HEATR4: variants seen among roughly 807,000 people sequenced by gnomAD.
HEATR4 encodes the protein HEAT repeat containing 4, also known as HEAT repeat-containing protein 4.
Under a neutral mutation model 108.8 loss-of-function variants are expected in HEATR4, and 95 were observed. The ratio of observed to expected loss-of-function variants is 0.87; its 90% confidence interval spans 0.74 to 1.04. HEATR4 has a LOEUF of 1.04. Among genes scored for constraint, HEATR4 ranks in the 50% least tolerant of loss-of-function variants. The pLI, the probability that HEATR4 is intolerant of heterozygous loss-of-function variation, is 0.00. For missense variants in HEATR4, 1,152 were observed against 1,253.8 expected (o/e 0.92, Z 1.23); for synonymous variants, 443 against 459.4 (o/e 0.96, Z 0.46).
At chr14:73,604,081 A>G in the HEATR4 span, among the ~76,000 whole-genome samples, 1 of 152,078 alleles carries the variant, frequency 6.6e-6, no homozygotes, top group Admixed American at 6.6e-5. Flanking sequence ...TTATGCAAAC[A>G]TCACACACAT....
chr14:73,605,782 G>T, the HEATR4 span, among the ~76,000 whole-genome samples: 1 of 151,790 alleles, frequency 6.6e-6, no homozygotes, highest in Non-Finnish European at 1.5e-5. Flanking sequence ...CATTGGCCAG[G>T]CTGGTCTTGA....
chr14:73,505,634 C>T (rs1177443407), intron 10 of HEATR4, among the ~76,000 whole-genome samples: 1 of 151,974 alleles, frequency 6.6e-6, no homozygotes. Context: ...GAGCTCTGAT[C>T]CACCTGCCTT....
chr14:73,518,646 G>C (rs555884047), intron 5 of HEATR4, among the ~76,000 whole-genome samples: 3 of 152,104 alleles, frequency 2.0e-5, no homozygotes, highest in Non-Finnish European at 4.4e-5. Context: ...GGAGTGGGAG[G>C]GTAGAGCCAG....
At position 73,490,986 on chromosome 14, in the gene HEATR4, G is replaced by C. The variant is rs372156920; in HGVS notation, c.2844+2080C>G. 263 of 1,331,370 alleles carry C rather than the reference G, an allele frequency of 2.0e-4. 2 individuals carry two copies. In the African/African-American group the frequency reaches 3.6e-3, roughly 18 times the overall value. The allele number at this position is 1,331,370 out of a possible 1,614,324, so 82.5% of individuals were successfully genotyped here. ...AACCGCTTTAGCTTCGCCCCCGGCC[G>C]GCCGGGCGGGGAAGACTGGTGTGGT... On this transcript the variant is annotated intron_variant, in intron 17 of 17. Coordinates refer to ENST00000553558, the MANE Select transcript of HEATR4 (RefSeq NM_001220484.1).
chr14:73,628,956 G>A, the HEATR4 span, among the ~76,000 whole-genome samples: 1 of 151,846 alleles, frequency 6.6e-6, no homozygotes, highest in African/African-American at 2.4e-5. Context: ...TTGGGAGGCT[G>A]AGGCAGGAGA....
At chr14:73,491,731 C>T (rs1366743864) in intron 17 of HEATR4, 10 of 1,553,058 alleles carry the variant, frequency 6.4e-6, no homozygotes, top group Non-Finnish European at 8.7e-6. Flanking sequence ...ACACCTACTA[C>T]CAGGGACTTT....
chr14:73,502,825 T>C, intron 11 of HEATR4, 70 bp downstream of exon 11: 1 of 1,214,682 alleles, frequency 8.2e-7, no homozygotes. Context: ...GGGAGCCACC[T>C]TGCCCAGCCT....
the HEATR4 span, chr14:73,595,809 G>A: frequency 1.1e-6 from 1 of 921,718 alleles, no homozygotes; most frequent in Non-Finnish European, 1.5e-6. Flanking sequence ...TTTGTCGTTA[G>A]TTTTACTAAT....
Position 73,541,579 on chromosome 14 carries a change from G to A in HEATR4, c.-151-11335C>T, listed in dbSNP as rs1566850545. 4 of 1,244,154 alleles carry A rather than the reference G, an allele frequency of 3.2e-6. 1 individual carries two copies. Among genetic ancestry groups the A allele is most frequent in the Non-Finnish European group, 4.3e-6 (4 of 936,274 alleles). The allele number at this position is 1,244,154 out of a possible 1,614,324, so 77.1% of individuals were successfully genotyped here. A position where few individuals can be genotyped will look rare whatever the true frequency, so the allele number is the denominator to read the frequency against. ...TCGGGCTAGTCTGCTGGCTGGGAAG[G>A]GTTTTGCTGTGATGGCTCTGGCTTA... On this transcript the variant is annotated intron_variant, in intron 1 of 17. Transcript: ENST00000553558.
chr14:73,612,711 G>C, the HEATR4 span: 2 of 1,383,878 alleles, frequency 1.4e-6, no homozygotes, highest in Non-Finnish European at 1.9e-6. Flanking sequence ...GCGCTCTTCC[G>C]GGCCCACGCG....
At chr14:73,513,973 C>T in intron 6 of HEATR4, 58 bp downstream of exon 6, 1 of 1,537,966 alleles carries the variant, frequency 6.5e-7, no homozygotes, top group Non-Finnish European at 9.0e-7. Context: ...AAAGCCTAGT[C>T]CCAGATGAGA....
At chr14:73,632,523 CT>C in the HEATR4 span, among the ~76,000 whole-genome samples, 1 of 151,894 alleles carries the variant, frequency 6.6e-6, no homozygotes. Flanking sequence ...GGTTCAAGGC[CT>C]TTTCTCTCTC....
the HEATR4 span, among the ~76,000 whole-genome samples, chr14:73,623,697 C>T: frequency 6.6e-6 from 1 of 151,996 alleles, no homozygotes; most frequent in Non-Finnish European, 1.5e-5. Flanking sequence ...GAGAAATTTG[C>T]ATCCCAATGT....
Position 73,522,442 on chromosome 14 carries a change from C to A in HEATR4, c.711G>T (p.Leu237=). Residue 237 remains leucine, a synonymous_variant, in exon 3 of 18, where the codon CTG becomes CTT. Transcript: ENST00000553558. ...TGTGACTCCAGTCGTACTGCTGGCGCAGGAAGCTCTGCCACTTGTTGGGGG... is the reference window on the plus strand; with the variant it reads ...TGTGACTCCAGTCGTACTGCTGGCGAAGGAAGCTCTGCCACTTGTTGGGGG... ...GASPNKWQSF[L]RQQYDWSHIR... 3 of 1,614,272 alleles carry A rather than the reference C, an allele frequency of 1.9e-6. No homozygotes were observed. Among genetic ancestry groups the A allele is most frequent in the Non-Finnish European group, 2.5e-6 (3 of 1,180,048 alleles).
At chr14:73,615,409 A>AAAAAAT in the HEATR4 span, among the ~76,000 whole-genome samples, 1 of 107,712 alleles carries the variant, frequency 9.3e-6, no homozygotes, top group African/African-American at 4.5e-5. Context: ...AAAAAAAAAC[A>AAAAAAT]AAAAACAAAA....
intron 17 of HEATR4, among the ~76,000 whole-genome samples, chr14:73,485,001 T>C (rs533268367): frequency 6.6e-6 from 1 of 152,082 alleles, no homozygotes; most frequent in East Asian, 1.9e-4. Flanking sequence ...TTGTCACTAC[T>C]AAAAATAGAA....
At chr14:73,528,385 T>A (rs1888480456) in intron 2 of HEATR4, among the ~76,000 whole-genome samples, 1 of 81,594 alleles carries the variant, frequency 1.2e-5, no homozygotes, top group South Asian at 4.4e-4. Flanking sequence ...AGAGCGAAAC[T>A]TCATCTCAAA....
intron 17 of HEATR4, among the ~76,000 whole-genome samples, chr14:73,490,602 G>A (rs960267467): frequency 6.6e-6 from 1 of 152,064 alleles, no homozygotes; most frequent in Non-Finnish European, 1.5e-5. Context: ...ATTACAGGCG[G>A]AGCCACCGCG....
At chr14:73,613,672 C>T in the HEATR4 span, among the ~76,000 whole-genome samples, 1 of 152,094 alleles carries the variant, frequency 6.6e-6, no homozygotes, top group Non-Finnish European at 1.5e-5. Context: ...GGGAGAGGTG[C>T]TATTGGCATC....
Sources: gnomAD v4.1 joint callset for allele counts (sites outside exome capture counted in the v4.1 genomes callset) on GRCh38, gnomAD v4.1.1 for gene constraint, MANE v1.5 for transcripts, NCBI Gene and HGNC (gene_info 2026-07-23, HGNC 2026-07-21) for gene names.